Variants in CNTN1 observed in about 807,000 individuals in gnomAD.
CNTN1 encodes contactin-1.
Under a neutral mutation model 126.4 loss-of-function variants are expected in CNTN1, and 38 were observed. The ratio of observed to expected loss-of-function variants is 0.30; its 90% CI spans 0.23 to 0.39. The LOEUF is 0.39. CNTN1 is among the 10% of genes least tolerant of loss of function. The probability of loss-of-function intolerance (pLI) is 1.00; values close to 1 mark genes in which losing one functional copy is unlikely to be tolerated. For missense variants in CNTN1, 1,009 were observed against 1,248.4 expected, an observed-to-expected ratio of 0.81 and a Z score of 2.89; for synonymous variants, 413 against 422.6, an observed-to-expected ratio of 0.98 and a Z score of 0.28.
At chr12:40,960,173 T>C (rs1196526127) in intron 15 of CNTN1, among the ~76,000 whole-genome samples, 1 of 152,090 alleles carries the variant, frequency 6.6e-6, no homozygotes, top group Non-Finnish European at 1.5e-5. Flanking sequence ...ATATGTTTTA[T>C]AGCAGTTGGT....
intron 1 of CNTN1, among the ~76,000 whole-genome samples, chr12:40,904,708 G>A (rs573855659): frequency 7.9e-5 from 12 of 152,296 alleles, no homozygotes; most frequent in African/African-American, 2.4e-4. Context: ...GGGATTACAG[G>A]TGTGAGCCAC....
intron 1 of CNTN1, among the ~76,000 whole-genome samples, chr12:40,746,795 G>A (rs1352700831): frequency 6.6e-6 from 1 of 152,030 alleles, no homozygotes; most frequent in African/African-American, 2.4e-5. Flanking sequence ...TCATATACCA[G>A]TTAAACTCTG....
intron 1 of CNTN1, among the ~76,000 whole-genome samples, chr12:40,800,026 A>C (rs556818404): frequency 2.0e-5 from 3 of 152,112 alleles, no homozygotes; most frequent in African/African-American, 7.2e-5. Flanking sequence ...CTTTACAACT[A>C]ATTGGGAAGG....
At chr12:40,739,673 T>C (rs755616119) in intron 1 of CNTN1, among the ~76,000 whole-genome samples, 2 of 152,016 alleles carry the variant, frequency 1.3e-5, no homozygotes, top group Non-Finnish European at 2.9e-5. Context: ...TAAGAAATAA[T>C]TGAAACAAGT....
chr12:40,737,359 G>GTGTATATATATATATA (rs1304140380), intron 1 of CNTN1, among the ~76,000 whole-genome samples: 4 of 113,246 alleles, frequency 3.5e-5, no homozygotes, highest in African/African-American at 1.3e-4. Flanking sequence ...ATGTGTGTGT[G>GTGTATATATATATATA]TATATATATA....
At chr12:40,939,996 A>G (rs1157048743) in intron 12 of CNTN1, among the ~76,000 whole-genome samples, 1 of 152,174 alleles carries the variant, frequency 6.6e-6, no homozygotes, top group Admixed American at 6.6e-5. Flanking sequence ...CCATCTACCA[A>G]TGTTTTGGTG....
At chr12:40,810,451 T>G (rs1266204358) in intron 1 of CNTN1, among the ~76,000 whole-genome samples, 7 of 152,208 alleles carry the variant, frequency 4.6e-5, no homozygotes, top group Admixed American at 3.9e-4. Flanking sequence ...CATTATTAAC[T>G]ATAGTCACCA....
intron 17 of CNTN1, among the ~76,000 whole-genome samples, chr12:40,997,434 T>G (rs1243000845): frequency 6.6e-6 from 1 of 151,928 alleles, no homozygotes; most frequent in Non-Finnish European, 1.5e-5. Flanking sequence ...GTTCTTTCAT[T>G]TAGTATTCTT....
intron 1 of CNTN1, among the ~76,000 whole-genome samples, chr12:40,816,483 G>T (rs1941258555): frequency 6.6e-6 from 1 of 151,866 alleles, no homozygotes; most frequent in African/African-American, 2.4e-5. Context: ...ATTTCTGTGG[G>T]GTCGATGGTG....
intron 1 of CNTN1, among the ~76,000 whole-genome samples, chr12:40,863,926 T>C (rs868102157): frequency 3.1e-5 from 4 of 129,150 alleles, no homozygotes; most frequent in Admixed American, 1.5e-4. Flanking sequence ...CTTCCTTCCT[T>C]CCTCCCTCCC....
At chr12:40,776,744 C>T (rs1443729484) in intron 1 of CNTN1, among the ~76,000 whole-genome samples, 2 of 151,716 alleles carry the variant, frequency 1.3e-5, no homozygotes, top group African/African-American at 2.4e-5. Context: ...GCAGAATTCA[C>T]CAGTTACTCT....
At position 40,908,459 on chromosome 12, in the gene CNTN1, T is replaced by A. The variant is rs745850349; in HGVS notation, c.27T>A (p.His9Gln). ...TGAAAATGTGGTTGCTGGTCAGTCATCTTGTGATAATATCTATTACTACCT... is the reference window on the plus strand; with the variant it reads ...TGAAAATGTGGTTGCTGGTCAGTCAACTTGTGATAATATCTATTACTACCT... The part of the protein sequence containing the change: MKMWLLVS[H>Q]LVIISITTCL... The change falls in exon 2 of 24, where the codon CAT (histidine) becomes CAA (glutamine). Residue 9 changes from histidine to glutamine, a missense_variant. His to Gln is a conservative substitution (Grantham distance 24, BLOSUM62 0). Transcript: ENST00000551295. 12 of 1,612,750 alleles carry A rather than the reference T, an allele frequency of 7.4e-6. No individual in the cohort carries two copies. The East Asian group carries it at 2.7e-4, about 36-fold the overall frequency.
chr12:40,717,681 A>T lies in CNTN1; in HGVS notation c.-77+25089A>T, dbSNP rs545548137. Among the ~76,000 whole-genome samples, 80 of 152,302 alleles carry T rather than the reference A, an allele frequency of 5.3e-4. 2 individuals are homozygous for T. In the South Asian group the frequency reaches 0.016, roughly 30 times the overall value. ...ATGAGGAAAGTCATTTCACAGTTTTATGTAGAAATATAGTTTTGTTTTTCT... is the reference window on the plus strand; with the variant it reads ...ATGAGGAAAGTCATTTCACAGTTTTTTGTAGAAATATAGTTTTGTTTTTCT... On this transcript the variant is annotated intron_variant, in intron 1 of 23. Coordinates refer to ENST00000551295, the MANE Select transcript of CNTN1 (RefSeq NM_001843.4).
intron 1 of CNTN1, among the ~76,000 whole-genome samples, chr12:40,767,088 A>T (rs558243225): frequency 1.3e-5 from 2 of 152,252 alleles, no homozygotes; most frequent in South Asian, 4.1e-4. Flanking sequence ...AGTAATGAAA[A>T]GTTACTTTAA....
At chr12:40,708,605 C>T (rs1941830268) in intron 1 of CNTN1, among the ~76,000 whole-genome samples, 1 of 152,168 alleles carries the variant, frequency 6.6e-6, no homozygotes, top group African/African-American at 2.4e-5. Context: ...CTGTAGCATG[C>T]AATTCTGTTT....
chr12:41,059,485 G>T (rs577577620), intron 23 of CNTN1, among the ~76,000 whole-genome samples: 1 of 152,274 alleles, frequency 6.6e-6, no homozygotes, highest in East Asian at 1.9e-4. Context: ...CTCTAGTAAT[G>T]TTTAAAGATG....
At position 40,694,071 on chromosome 12, in the gene CNTN1, G is replaced by C. The variant is rs185126162; in HGVS notation, c.-77+1479G>C. Among the ~76,000 whole-genome samples, 182 of 152,212 alleles carry C rather than the reference G, an allele frequency of 1.2e-3. 3 individuals carry two copies. The highest frequency in any genetic ancestry group is 4.1e-3 in the African/African-American group (169 of 41,510). ...AACGCAAATCAAATTAATACATGCC[G>C]TATCTGGGATATTTTATTAGACTCG... On this transcript the variant is annotated intron_variant, in intron 1 of 23. Transcript: ENST00000551295.
At position 40,891,039 on chromosome 12, in the gene CNTN1, G is replaced by C. The variant is rs184499988; in HGVS notation, c.-76-17318G>C. 1.4e-4 allele frequency among the ~76,000 whole-genome samples: 21 copies of C among 152,170 alleles called. No homozygotes were observed. In the East Asian group the frequency reaches 4.1e-3, roughly 29 times the overall value. On this transcript the variant is annotated intron_variant, in intron 1 of 23. Coordinates refer to ENST00000551295, the MANE Select transcript of CNTN1 (RefSeq NM_001843.4). ...GAACAGCAGGAACCAACAACATTTG[G>C]TGTTAGATTTTTGCCATTTGAATTG...
chr12:40,958,355 G>GTGTGTGTATATA (rs1592322276), intron 14 of CNTN1, among the ~76,000 whole-genome samples: 1 of 79,094 alleles, frequency 1.3e-5, no homozygotes, highest in East Asian at 3.5e-4. Context: ...GTATATATGT[G>GTGTGTGTATATA]TGTGTGTGTG....
Sources: gnomAD v4.1 joint callset for allele counts (sites outside exome capture counted in the v4.1 genomes callset) on GRCh38, gnomAD v4.1.1 for gene constraint, MANE v1.5 for transcripts, NCBI Gene and HGNC (gene_info 2026-07-23, HGNC 2026-07-21) for gene names.